Variants in GUCY1A2 observed in about 807,000 individuals in gnomAD.
The protein encoded by GUCY1A2 is guanylate cyclase 1 soluble subunit alpha 2, also known as guanylate cyclase soluble subunit alpha-2.
A neutral mutation model predicts 63.5 loss-of-function variants in GUCY1A2; 27 were observed. The ratio of observed to expected loss-of-function variants is 0.43; its 90% CI spans 0.31 to 0.59. GUCY1A2 has a LOEUF of 0.59. Among genes scored for constraint, GUCY1A2 ranks in the 20% least tolerant of loss-of-function variants. GUCY1A2 has a pLI of 0.11. For missense variants in GUCY1A2, 768 were observed against 913.3 expected (o/e 0.84, Z 2.05); for synonymous variants, 364 against 343.5 (o/e 1.06, Z -0.66).
intron 3 of GUCY1A2, among the ~76,000 whole-genome samples, chr11:106,964,748 G>A (rs757761711): frequency 1.3e-5 from 2 of 152,194 alleles, no homozygotes; most frequent in African/African-American, 4.8e-5. Context: ...GGGAGGCCAA[G>A]GCGGGCGGAT....
chr11:106,829,243 G>A (rs578185521), intron 4 of GUCY1A2, among the ~76,000 whole-genome samples: 71 of 152,260 alleles, frequency 4.7e-4, no homozygotes, highest in Non-Finnish European at 6.3e-4. Context: ...CTGTAATCAC[G>A]GAAGCTAAGA....
chr11:106,688,970 C>T (rs924356792), intron 7 of GUCY1A2, among the ~76,000 whole-genome samples: 1 of 152,092 alleles, frequency 6.6e-6, no homozygotes, highest in Admixed American at 6.6e-5. Context: ...AGAGTTTAGA[C>T]TTTATTTGGA....
At chr11:106,835,622 A>G (rs1859106068) in intron 4 of GUCY1A2, among the ~76,000 whole-genome samples, 1 of 151,818 alleles carries the variant, frequency 6.6e-6, no homozygotes, top group Admixed American at 6.6e-5. Context: ...ATCCAGAATT[A>G]GACGCTTAGT....
At chr11:106,755,986 C>T (rs1273910187) in intron 6 of GUCY1A2, among the ~76,000 whole-genome samples, 4 of 152,160 alleles carry the variant, frequency 2.6e-5, no homozygotes, top group Non-Finnish European at 5.9e-5. Flanking sequence ...GAGTCTAAGT[C>T]TCCTTGTAGG....
intron 3 of GUCY1A2, among the ~76,000 whole-genome samples, chr11:106,969,337 CACTA>C (rs1009951895): frequency 9.9e-5 from 15 of 152,128 alleles, no homozygotes; most frequent in Admixed American, 4.6e-4. Context: ...CTTAAATTTT[CACTA>C]ACTGTCAGAA....
At chr11:106,890,866 ATG>A (rs1859964323) in intron 4 of GUCY1A2, among the ~76,000 whole-genome samples, 1 of 152,164 alleles carries the variant, frequency 6.6e-6, no homozygotes, top group Admixed American at 6.5e-5. Flanking sequence ...GAACATTATA[ATG>A]TTATACCCTA....
intron 4 of GUCY1A2, chr11:106,827,749 T>C: frequency 6.6e-7 from 1 of 1,525,086 alleles, no homozygotes; most frequent in South Asian, 1.1e-5. Flanking sequence ...GTAACTGCTT[T>C]CATAACAGGA....
chr11:106,965,880 C>A (rs1861120271), intron 3 of GUCY1A2, among the ~76,000 whole-genome samples: 1 of 150,726 alleles, frequency 6.6e-6, no homozygotes, highest in Non-Finnish European at 1.5e-5. Flanking sequence ...AGTGGAGAAA[C>A]CAGAACTTTC....
intron 4 of GUCY1A2, among the ~76,000 whole-genome samples, chr11:106,907,092 A>G (rs1860219283): frequency 6.6e-6 from 1 of 152,096 alleles, no homozygotes; most frequent in South Asian, 2.1e-4. Flanking sequence ...AAATAAAAAG[A>G]CCACTTGCCT....
chr11:106,755,827 A>G (rs1863963628), intron 6 of GUCY1A2, among the ~76,000 whole-genome samples: 1 of 152,124 alleles, frequency 6.6e-6, no homozygotes, highest in Admixed American at 6.5e-5. Flanking sequence ...TATTCTGTTG[A>G]TTTGGGGTGG....
intron 4 of GUCY1A2, among the ~76,000 whole-genome samples, chr11:106,913,544 C>A (rs1860325060): frequency 6.6e-6 from 1 of 152,104 alleles, no homozygotes; most frequent in South Asian, 2.1e-4. Flanking sequence ...ACCCAAACAC[C>A]TCCCACTAAG....
chr11:106,903,211 T>TA lies in GUCY1A2; in HGVS notation c.1206+36248dup, dbSNP rs548122328. 5.8e-3 allele frequency among the ~76,000 whole-genome samples: 869 copies of TA among 148,736 alleles called. 6 individuals carry two copies. The highest frequency in any genetic ancestry group is 9.1e-3 in the Non-Finnish European group (606 of 66,868). On this transcript the variant is annotated intron_variant, in intron 4 of 7. Transcript: ENST00000526355. ...ATAATTATTACATCTTCTGAAATGA[T>TA]AAAAAAAAAACTCATCACCAATTTC...
chr11:106,701,369 T>C (rs1862815254), intron 7 of GUCY1A2, among the ~76,000 whole-genome samples: 1 of 152,114 alleles, frequency 6.6e-6, no homozygotes, highest in Admixed American at 6.6e-5. Flanking sequence ...AATAATATCC[T>C]TCCTTTTTAT....
At chr11:106,877,405 C>T (rs1260130800) in intron 4 of GUCY1A2, among the ~76,000 whole-genome samples, 2 of 152,038 alleles carry the variant, frequency 1.3e-5, no homozygotes, top group African/African-American at 4.8e-5. Context: ...TACTATAGGG[C>T]TACAGTAACC....
At chr11:106,811,726 C>T (rs1858764385) in intron 4 of GUCY1A2, among the ~76,000 whole-genome samples, 1 of 152,122 alleles carries the variant, frequency 6.6e-6, no homozygotes, top group East Asian at 1.9e-4. Flanking sequence ...ATTAAATGCT[C>T]ACTTTACCTT....
intron 4 of GUCY1A2, among the ~76,000 whole-genome samples, chr11:106,853,919 A>T (rs1859390734): frequency 6.6e-6 from 1 of 152,144 alleles, no homozygotes; most frequent in Admixed American, 6.5e-5. Context: ...AATAAATGTG[A>T]GCAGTGAGTT....
At chr11:106,861,241 T>C (rs889795847) in intron 4 of GUCY1A2, among the ~76,000 whole-genome samples, 2 of 151,998 alleles carry the variant, frequency 1.3e-5, no homozygotes, top group Admixed American at 6.6e-5. Flanking sequence ...TAGGAGCCTA[T>C]CTTGAGATGT....
intron 3 of GUCY1A2, among the ~76,000 whole-genome samples, chr11:106,963,961 T>A (rs1237422702): frequency 2.0e-5 from 3 of 152,148 alleles, no homozygotes; most frequent in South Asian, 2.1e-4. Flanking sequence ...CTCATATTCA[T>A]CTCGTTTCAC....
chr11:107,006,126 T>G (rs1861668225), intron 1 of GUCY1A2, among the ~76,000 whole-genome samples: 1 of 152,236 alleles, frequency 6.6e-6, no homozygotes, highest in Non-Finnish European at 1.5e-5. Flanking sequence ...ATTTATCCAG[T>G]GATGCCCAAG....
Sources: allele counts gnomAD v4.1 joint callset (sites outside exome capture counted in the v4.1 genomes callset), GRCh38; gene constraint gnomAD v4.1.1; transcripts MANE v1.5; gene names NCBI Gene and HGNC (gene_info 2026-07-23, HGNC 2026-07-21).